Variants in RNF111 observed in about 807,000 individuals in gnomAD.
RNF111 encodes ring finger protein 111, also known as E3 ubiquitin-protein ligase Arkadia.
A neutral mutation model predicts 95.1 loss-of-function variants in RNF111; 17 were observed. The observed-to-expected ratio is 0.18, with a 90% CI of 0.12 to 0.27. RNF111 has a LOEUF of 0.27. Among genes scored for constraint, RNF111 ranks in the 10% least tolerant of loss-of-function variants. The pLI, the probability that RNF111 is intolerant of heterozygous loss-of-function variation, is 1.00. For missense variants in RNF111, 1,189 were observed against 1,210.4 expected, an observed-to-expected ratio of 0.98 and a Z score of 0.26; for synonymous variants, 440 against 414.8, an observed-to-expected ratio of 1.06 and a Z score of -0.74.
intron 2 of RNF111, 92 bp downstream of exon 2, chr15:59,031,794 G>T: frequency 9.1e-7 from 1 of 1,094,668 alleles, no homozygotes; most frequent in Non-Finnish European, 1.3e-6. Context: ...TTATTTAAAG[G>T]GACTATCAGG....
chr15:59,094,650 G>T (rs965010109), intron 13 of RNF111, 133 bp from the exon 14 acceptor site: 4 of 581,744 alleles, frequency 6.9e-6, no homozygotes, highest in South Asian at 3.7e-5. Flanking sequence ...TAATTTAATC[G>T]ATGTGTTTTT....
chr15:58,994,719 C>A (rs1455260710), intron 1 of RNF111, among the ~76,000 whole-genome samples: 1 of 152,040 alleles, frequency 6.6e-6, no homozygotes, highest in African/African-American at 2.4e-5. Flanking sequence ...TTTAAGTGAT[C>A]AGCCTACTTC....
chr15:59,067,241 C>CTT (rs60929391), intron 6 of RNF111, among the ~76,000 whole-genome samples, 158 bp downstream of exon 6: 2 of 141,238 alleles, frequency 1.4e-5, no homozygotes, highest in African/African-American at 2.6e-5. Flanking sequence ...CCTCCGTTTC[C>CTT]TTTTTTTTTT....
intron 1 of RNF111, among the ~76,000 whole-genome samples, chr15:59,030,311 T>A (rs1382929360): frequency 6.6e-6 from 1 of 152,168 alleles, no homozygotes; most frequent in Non-Finnish European, 1.5e-5. Context: ...TTATATTCAT[T>A]AGCTCATTAT....
intron 5 of RNF111, among the ~76,000 whole-genome samples, chr15:59,061,209 A>C (rs578091513): frequency 4.6e-5 from 7 of 152,192 alleles, no homozygotes; most frequent in Non-Finnish European, 7.3e-5. Context: ...ATCAGATTTA[A>C]TTTCTGAGCA....
intron 2 of RNF111, among the ~76,000 whole-genome samples, chr15:59,049,092 C>A (rs927298194): frequency 1.5e-4 from 23 of 152,116 alleles, no homozygotes; most frequent in African/African-American, 4.3e-4. Flanking sequence ...CACACACACA[C>A]AAAAAAGTAT....
At chr15:59,030,292 A>G (rs1169253223) in intron 1 of RNF111, among the ~76,000 whole-genome samples, 1 of 152,174 alleles carries the variant, frequency 6.6e-6, no homozygotes, top group East Asian at 1.9e-4. Context: ...AAAAATAGAA[A>G]AGAGAAGCTT....
intron 9 of RNF111, 85 bp downstream of exon 9, chr15:59,084,339 G>T: frequency 2.3e-6 from 3 of 1,297,696 alleles, no homozygotes; most frequent in Middle Eastern, 2.6e-4. Flanking sequence ...TGATTGCTTT[G>T]CAGAAGGATG....
intron 1 of RNF111, among the ~76,000 whole-genome samples, chr15:58,998,921 A>G (rs1462003871): frequency 1.3e-5 from 2 of 152,224 alleles, no homozygotes; most frequent in Non-Finnish European, 2.9e-5. Flanking sequence ...TTACAAAGTC[A>G]TGTCTGGGTG....
intron 5 of RNF111, among the ~76,000 whole-genome samples, chr15:59,060,395 G>A (rs995413038): frequency 5.3e-5 from 8 of 151,914 alleles, no homozygotes; most frequent in Non-Finnish European, 7.4e-5. Flanking sequence ...CTCGAGGCCA[G>A]GAGTTCAAGA....
rs188208129 is a variant in RNF111 at position 59,054,521 on chromosome 15, C to T, written c.1008-1161C>T. ...AAGAATTTTAAATGGTGGTATCTTT[C>T]CTCATACAAAACCATTTTATCCCAA... On this transcript the variant is annotated intron_variant, in intron 3 of 13. Transcript: ENST00000348370. Among the ~76,000 whole-genome samples, 248 of 152,146 alleles carry T rather than the reference C, an allele frequency of 1.6e-3. 2 individuals carry two copies. The highest frequency in any genetic ancestry group is 5.8e-3 in the African/African-American group (239 of 41,538).
At chr15:59,063,630 A>G (rs1414079909) in intron 5 of RNF111, among the ~76,000 whole-genome samples, 7 of 152,194 alleles carry the variant, frequency 4.6e-5, no homozygotes, top group African/African-American at 1.4e-4. Flanking sequence ...CTCGAATGAG[A>G]GGCTAATTGG....
chr15:59,021,963 G>A (rs963070325), intron 1 of RNF111, among the ~76,000 whole-genome samples: 5 of 151,886 alleles, frequency 3.3e-5, no homozygotes, highest in Non-Finnish European at 7.4e-5. Flanking sequence ...AGGTTCAAGC[G>A]ATCCTCCCGC....
chr15:59,031,801 C>G (rs1273127512), intron 2 of RNF111, 99 bp downstream of exon 2: 2 of 1,027,374 alleles, frequency 1.9e-6, no homozygotes, highest in African/African-American at 3.2e-5. Context: ...AAGGGACTAT[C>G]AGGTTCTATT....
At chr15:59,075,108 A>G (rs1330495481) in intron 6 of RNF111, among the ~76,000 whole-genome samples, 2 of 152,252 alleles carry the variant, frequency 1.3e-5, no homozygotes, top group African/African-American at 4.8e-5. Context: ...TCACCATAAC[A>G]GATAAAATAA....
intron 2 of RNF111, among the ~76,000 whole-genome samples, chr15:59,038,113 A>G (rs988330472): frequency 5.3e-5 from 8 of 152,304 alleles, no homozygotes; most frequent in African/African-American, 1.7e-4. Context: ...TTTTATTCAC[A>G]CAACCATCGT....
intron 11 of RNF111, among the ~76,000 whole-genome samples, chr15:59,090,203 TG>T (rs1216958389): frequency 1.5e-5 from 2 of 137,038 alleles, no homozygotes; most frequent in Non-Finnish European, 3.1e-5. Context: ...TGTTGTGGTT[TG>T]TTTTTTTGTT....
chr15:59,046,353 C>A (rs1005700464), intron 2 of RNF111, among the ~76,000 whole-genome samples: 13 of 152,046 alleles, frequency 8.6e-5, no homozygotes, highest in African/African-American at 3.1e-4. Flanking sequence ...GCCACCACAC[C>A]TGGCTAATTT....
intron 8 of RNF111, among the ~76,000 whole-genome samples, chr15:59,081,899 C>T (rs1291562445): frequency 6.6e-6 from 1 of 152,148 alleles, no homozygotes; most frequent in Non-Finnish European, 1.5e-5. Context: ...GTGGCATACT[C>T]CTGTGGTCCC....
Sources: gnomAD v4.1 joint callset for allele counts (sites outside exome capture counted in the v4.1 genomes callset) on GRCh38, gnomAD v4.1.1 for gene constraint, MANE v1.5 for transcripts, NCBI Gene and HGNC (gene_info 2026-07-23, HGNC 2026-07-21) for gene names.